Variants in PKHD1L1 observed in about 807,000 individuals in gnomAD.
PKHD1L1 encodes the protein PKHD1 like 1, also known as fibrocystin-L.
Under a neutral mutation model 462.9 loss-of-function variants are expected in PKHD1L1, and 434 were observed. The observed-to-expected ratio is 0.94, with a 90% CI of 0.87 to 1.02. The LOEUF (loss-of-function observed/expected upper bound fraction) is 1.02. PKHD1L1 is among the 50% of genes least tolerant of loss of function. The probability of loss-of-function intolerance (pLI) is 0.00; values close to 1 mark genes in which losing one functional copy is unlikely to be tolerated. For synonymous variants in PKHD1L1, 1,781 were observed against 1,750.0 expected, an observed-to-expected ratio of 1.02 and a Z score of -0.44; for missense variants, 5,202 against 5,096.1, an observed-to-expected ratio of 1.02 and a Z score of -0.63.
At chr8:109,382,436 C>A in intron 3 of PKHD1L1, 27 bp from the exon 4 acceptor site, 1 of 1,560,366 alleles carries the variant, frequency 6.4e-7, no homozygotes, top group South Asian at 1.2e-5. Context: ...AATTGCATGT[C>A]TCATATATTC....
intron 73 of PKHD1L1, among the ~76,000 whole-genome samples, 178 bp downstream of exon 73, chr8:109,518,686 T>C (rs1820401191): frequency 6.6e-6 from 1 of 152,148 alleles, no homozygotes; most frequent in Non-Finnish European, 1.5e-5. Flanking sequence ...CAAACTGTTT[T>C]AGAATTGGAA....
chr8:109,500,695 A>C (rs1819366483), intron 67 of PKHD1L1, among the ~76,000 whole-genome samples: 1 of 150,568 alleles, frequency 6.6e-6, no homozygotes, highest in Non-Finnish European at 1.5e-5. Flanking sequence ...AAAAAAAAAA[A>C]AAAAGTCCCT....
chr8:109,415,868 T>TGA (rs1814138170), intron 21 of PKHD1L1, among the ~76,000 whole-genome samples: 2 of 119,838 alleles, frequency 1.7e-5, no homozygotes, highest in Admixed American at 8.8e-5. Context: ...AAAAGGGGTG[T>TGA]GTGTGTGTGT....
At chr8:109,367,329 C>T (rs1811282434) in intron 2 of PKHD1L1, among the ~76,000 whole-genome samples, 1 of 152,190 alleles carries the variant, frequency 6.6e-6, no homozygotes, top group African/African-American at 2.4e-5. Context: ...ACAAGAACTA[C>T]TTCTAAATGG....
At chr8:109,490,337 T>A (rs1818766775) in intron 60 of PKHD1L1, among the ~76,000 whole-genome samples, 1 of 151,780 alleles carries the variant, frequency 6.6e-6, no homozygotes, top group South Asian at 2.1e-4. Context: ...TATTTTGCAA[T>A]GACCAAAAAC....
chr8:109,402,667 A>G (rs894777043), intron 14 of PKHD1L1, among the ~76,000 whole-genome samples: 3 of 152,178 alleles, frequency 2.0e-5, no homozygotes, highest in African/African-American at 7.2e-5. Flanking sequence ...GCCTAGACTC[A>G]AGGATGAAGA....
At chr8:109,441,970 T>C (rs1284791144) in intron 34 of PKHD1L1, 37 bp from the exon 35 acceptor site, 1 of 1,489,928 alleles carries the variant, frequency 6.7e-7, no homozygotes, top group Non-Finnish European at 8.9e-7. Context: ...AGAAATTCTC[T>C]TTTTCTTTTA....
chr8:109,473,770 A>G (rs1269602298), intron 50 of PKHD1L1, among the ~76,000 whole-genome samples: 3 of 152,122 alleles, frequency 2.0e-5, no homozygotes, highest in African/African-American at 4.8e-5. Context: ...CTCTGCTTCA[A>G]TATAAGGCTT....
rs1813080133 is a variant in PKHD1L1 at position 109,398,309 on chromosome 8, A to G, written c.923-150A>G. 1.6e-5 allele frequency: 9 copies of G among 575,074 alleles called. No individual in the cohort carries two copies. In the South Asian group the frequency reaches 1.7e-4, roughly 11 times the overall value. The allele number at this position is 575,074 out of a possible 1,614,324, so 35.6% of individuals were successfully genotyped here. On this transcript the variant is annotated intron_variant, in intron 11 of 77. Coordinates refer to ENST00000378402, the MANE Select transcript of PKHD1L1 (RefSeq NM_177531.6). ...GACAATTATTATGTGAAAAGCTTTA[A>G]TAGAGAATATGTAAAGGAAATAAAG...
chr8:109,379,929 A>G (rs1812026215), intron 2 of PKHD1L1, among the ~76,000 whole-genome samples: 1 of 152,174 alleles, frequency 6.6e-6, no homozygotes, highest in Admixed American at 6.5e-5. Flanking sequence ...ATTCATAGGG[A>G]TATCTCTTGG....
At chr8:109,433,085 A>T in intron 27 of PKHD1L1, 21 bp from the exon 28 acceptor site, 1 of 1,490,842 alleles carries the variant, frequency 6.7e-7, no homozygotes, top group Non-Finnish European at 9.2e-7. Context: ...TAATATTGTT[A>T]TTTAAATTGA....
Position 109,522,267 on chromosome 8 carries a change from T to C in PKHD1L1, c.12113T>C (p.Leu4038Pro). 1 of 1,605,166 alleles carries C rather than the reference T, an allele frequency of 6.2e-7. No individual in the cohort carries two copies. The highest frequency in any genetic ancestry group is 8.5e-7 in the Non-Finnish European group (1 of 1,172,716). Residue 4038 changes from leucine to proline, a missense_variant, in exon 74 of 78, where the codon CTT becomes CCT. Leu to Pro is a moderately conservative substitution (Grantham distance 98, BLOSUM62 -3). Around this residue, in one of 3 missense-constraint regions of PKHD1L1, gnomAD observed 698 missense variants for 736.3 expected, o/e 0.95. Transcript: ENST00000378402. ...ATTTTAGGAAACATCAGTAGTATCC[T>C]TGGATTTAACATTTCGTCCATGTCT... ...AVILGNISSI[L>P]GFNISSMSIT...
intron 27 of PKHD1L1, among the ~76,000 whole-genome samples, chr8:109,431,831 T>C (rs1169368898): frequency 2.0e-5 from 3 of 152,170 alleles, no homozygotes; most frequent in Non-Finnish European, 4.4e-5. Flanking sequence ...CTTTAGAGTA[T>C]ATACCCAGAC....
At chr8:109,370,971 G>A (rs1479706921) in intron 2 of PKHD1L1, among the ~76,000 whole-genome samples, 4 of 152,144 alleles carry the variant, frequency 2.6e-5, no homozygotes, top group Admixed American at 6.5e-5. Context: ...ATAAACATAC[G>A]TGTGCATGTG....
intron 47 of PKHD1L1, 105 bp from the exon 48 acceptor site, chr8:109,461,667 T>C: frequency 2.5e-6 from 3 of 1,223,206 alleles, no homozygotes; most frequent in Non-Finnish European, 3.4e-6. Flanking sequence ...TAGGATGAGG[T>C]TGAGATCATA....
chr8:109,443,015 A>C lies in PKHD1L1; in HGVS notation c.4463A>C (p.His1488Pro), dbSNP rs200174414. 56 of 1,613,460 alleles carry C rather than the reference A, an allele frequency of 3.5e-5. No individual in the cohort carries two copies. The highest frequency in any genetic ancestry group is 1.2e-4 in the Admixed American group (7 of 59,960). The stretch of plus-strand genomic sequence containing the variant: ...AGCAGCGGGTATGTTGATGAGGCTC[A>C]CTCCATTTTTCTCCAAGGAGTCATT... ...YYSSGYVDEA[H>P]SIFLQGVINV... The change falls in exon 36 of 78, where the codon CAC becomes CCC. Residue 1488 changes from histidine to proline, a missense_variant. Around this residue, in one of 3 missense-constraint regions of PKHD1L1, gnomAD observed 4,497 missense variants for 4,336.8 expected, o/e 1.04. Transcript: ENST00000378402.
Position 109,459,668 on chromosome 8 carries a change from AACCC to A in PKHD1L1, c.7081_7084del (p.Pro2361Ter). On this transcript the variant is annotated frameshift_variant, in exon 47 of 78. Transcript: ENST00000378402. LOFTEE classifies it high-confidence loss of function. Reference sequence around the variant, plus strand: ...TGATGGCATAAACATAACACTAAGTAACCCACTAAATTACACACACTTAGGAATT... The same window carrying A: ...TGATGGCATAAACATAACACTAAGTAACTAAATTACACACACTTAGGAATT... The A allele has an allele frequency of 6.2e-7, 1 of 1,609,114 alleles. No homozygotes were observed. Among genetic ancestry groups the A allele is most frequent in the Non-Finnish European group, 8.5e-7 (1 of 1,177,386 alleles).
Position 109,469,343 on chromosome 8 carries a change from T to C in PKHD1L1, c.8605+2574T>C, listed in dbSNP as rs113826580. ...ACATGGACCCAGAGACAGAGCTGTATGAAGAAGGCTGCCTGAAAGAAGCTG... is the reference window on the plus strand; with the variant it reads ...ACATGGACCCAGAGACAGAGCTGTACGAAGAAGGCTGCCTGAAAGAAGCTG... On this transcript the variant is annotated intron_variant, in intron 50 of 77. Coordinates refer to ENST00000378402, the MANE Select transcript of PKHD1L1 (RefSeq NM_177531.6). Among the ~76,000 whole-genome samples, 1,150 of 152,236 alleles carry C rather than the reference T, an allele frequency of 7.6e-3. 4 individuals carry two copies. Among genetic ancestry groups the C allele is most frequent in the Middle Eastern group, 0.014 (4 of 294 alleles).
intron 62 of PKHD1L1, 60 bp from the exon 63 acceptor site, chr8:109,493,601 C>T (rs375025814): frequency 4.0e-5 from 44 of 1,098,698 alleles, no homozygotes; most frequent in African/African-American, 1.1e-4. Flanking sequence ...TACTTACTCT[C>T]GATTTATATA....
Sources: gnomAD v4.1 joint callset for allele counts (sites outside exome capture counted in the v4.1 genomes callset) on GRCh38, gnomAD v4.1.1 for gene constraint, gnomAD v4.1.1 regional missense constraint, MANE v1.5 for transcripts, NCBI Gene and HGNC (gene_info 2026-07-23, HGNC 2026-07-21) for gene names.